PPARGC1A: variants seen among roughly 807,000 people sequenced by gnomAD.
The protein encoded by PPARGC1A is PPARG coactivator 1 alpha, also known as peroxisome proliferator-activated receptor gamma coactivator 1-alpha.
A neutral mutation model predicts 88.7 loss-of-function variants in PPARGC1A; 25 were observed. The observed-to-expected ratio is 0.28, with a 90% confidence interval of 0.21 to 0.39. PPARGC1A has a LOEUF of 0.39. Among genes scored for constraint, PPARGC1A ranks in the 10% least tolerant of loss-of-function variants. The pLI, the probability that PPARGC1A is intolerant of heterozygous loss-of-function variation, is 1.00. For missense variants in PPARGC1A, 880 were observed against 968.7 expected (o/e 0.91, Z 1.22); for synonymous variants, 363 against 355.6 (o/e 1.02, Z -0.24).
At chr4:24,339,235 TATACAC>T in the PPARGC1A span, among the ~76,000 whole-genome samples, 79 of 110,208 alleles carry the variant, frequency 7.2e-4, no homozygotes, top group African/African-American at 2.0e-3. Context: ...TATATATATA[TATACAC>T]ACACACACAC....
the PPARGC1A span, among the ~76,000 whole-genome samples, chr4:24,294,814 A>C: frequency 3.9e-5 from 6 of 152,238 alleles, no homozygotes; most frequent in African/African-American, 1.4e-4. Flanking sequence ...AGGAGCTCCC[A>C]GTTCTTCCAG....
the PPARGC1A span, among the ~76,000 whole-genome samples, chr4:24,228,987 C>G: frequency 6.2e-4 from 94 of 152,032 alleles, no homozygotes; most frequent in African/African-American, 2.2e-3. Flanking sequence ...TTACAAACAC[C>G]CCAAGTGACT....
chr4:24,118,376 G>A, the PPARGC1A span, among the ~76,000 whole-genome samples: 1 of 152,094 alleles, frequency 6.6e-6, no homozygotes, highest in African/African-American at 2.4e-5. Context: ...ACGTTAGAAG[G>A]TGCCACTCGA....
chr4:24,377,377 A>T, the PPARGC1A span, among the ~76,000 whole-genome samples: 1 of 152,230 alleles, frequency 6.6e-6, no homozygotes, highest in Non-Finnish European at 1.5e-5. Context: ...ATAAATAAAT[A>T]AATAGAAAAT....
the PPARGC1A span, among the ~76,000 whole-genome samples, chr4:24,017,767 A>T: frequency 6.6e-6 from 1 of 152,206 alleles, no homozygotes; most frequent in Non-Finnish European, 1.5e-5. Context: ...ACCCTAGAAA[A>T]AAAACTTATT....
chr4:24,011,394 T>G, the PPARGC1A span, among the ~76,000 whole-genome samples: 1 of 152,084 alleles, frequency 6.6e-6, no homozygotes, highest in East Asian at 1.9e-4. Flanking sequence ...CTCACACCCA[T>G]GCATGCAGAC....
chr4:23,959,523 C>A, the PPARGC1A span, among the ~76,000 whole-genome samples: 4 of 152,094 alleles, frequency 2.6e-5, no homozygotes, highest in South Asian at 8.3e-4. Flanking sequence ...AGTAAAAAAT[C>A]CACTCTGTTT....
chr4:23,918,098 A>C, the PPARGC1A span, among the ~76,000 whole-genome samples: 1 of 152,206 alleles, frequency 6.6e-6, no homozygotes, highest in African/African-American at 2.4e-5. Flanking sequence ...CAAGGCTACA[A>C]TTAGCCCCTC....
chr4:23,832,612 C>CTTTTTCT (rs1211728298), intron 2 of PPARGC1A, among the ~76,000 whole-genome samples: 8 of 131,832 alleles, frequency 6.1e-5, no homozygotes, highest in African/African-American at 2.4e-4. Context: ...TTTTCTTTTT[C>CTTTTTCT]TTTTTTTTTT....
chr4:24,097,842 C>T, the PPARGC1A span, among the ~76,000 whole-genome samples: 1 of 152,128 alleles, frequency 6.6e-6, no homozygotes, highest in African/African-American at 2.4e-5. Flanking sequence ...TGCAGTGACA[C>T]CCATGGTTTT....
the PPARGC1A span, among the ~76,000 whole-genome samples, chr4:23,974,918 G>T: frequency 1.4e-5 from 2 of 146,782 alleles, no homozygotes; most frequent in South Asian, 2.2e-4. Flanking sequence ...GCCTCCCAAA[G>T]TGCTGGGATT....
At chr4:24,365,110 C>A in the PPARGC1A span, among the ~76,000 whole-genome samples, 1 of 150,852 alleles carries the variant, frequency 6.6e-6, no homozygotes. Context: ...TCTCAGTACT[C>A]TCTGCAGATC....
At chr4:24,292,142 C>T in the PPARGC1A span, among the ~76,000 whole-genome samples, 1 of 152,112 alleles carries the variant, frequency 6.6e-6, no homozygotes, top group Non-Finnish European at 1.5e-5. Flanking sequence ...GCCTCCGCCA[C>T]GGAGGTTGTC....
the PPARGC1A span, among the ~76,000 whole-genome samples, chr4:24,100,750 A>G: frequency 6.6e-6 from 1 of 152,142 alleles, no homozygotes; most frequent in Non-Finnish European, 1.5e-5. Context: ...GCATAAAACC[A>G]CAAAAAAATA....
intron 7 of PPARGC1A, among the ~76,000 whole-genome samples, chr4:23,818,696 AGTTTT>A (rs1166455919): frequency 6.6e-6 from 1 of 151,834 alleles, no homozygotes; most frequent in Admixed American, 6.6e-5. Context: ...GGCAAAGACA[AGTTTT>A]GTTTTGTTTT....
the PPARGC1A span, among the ~76,000 whole-genome samples, chr4:24,273,026 C>T: frequency 1.3e-5 from 2 of 152,206 alleles, no homozygotes; most frequent in Non-Finnish European, 2.9e-5. Flanking sequence ...CTTCCAGCCA[C>T]TTTCAAGGGA....
the PPARGC1A span, among the ~76,000 whole-genome samples, chr4:24,052,327 T>G: frequency 6.6e-6 from 1 of 152,260 alleles, no homozygotes; most frequent in Admixed American, 6.5e-5. Flanking sequence ...TTAAGTAGAA[T>G]CAGGCTCCAT....
At chr4:24,364,246 G>T in the PPARGC1A span, among the ~76,000 whole-genome samples, 1 of 151,932 alleles carries the variant, frequency 6.6e-6, no homozygotes, top group Non-Finnish European at 1.5e-5. Context: ...TAATAAAGAC[G>T]TTCAAACCAT....
intron 2 of PPARGC1A, among the ~76,000 whole-genome samples, chr4:23,877,268 G>A (rs1714901564): frequency 6.8e-6 from 1 of 147,246 alleles, no homozygotes; most frequent in South Asian, 2.1e-4. Context: ...TGTAATCCCA[G>A]CATTTTGGGA....
Sources: allele counts gnomAD v4.1 joint callset (sites outside exome capture counted in the v4.1 genomes callset), GRCh38; gene constraint gnomAD v4.1.1; transcripts MANE v1.5; gene names NCBI Gene and HGNC (gene_info 2026-07-23, HGNC 2026-07-21).